ATAD2B: variants seen among roughly 807,000 people sequenced by gnomAD.
ATAD2B encodes ATPase family AAA domain containing 2B.
In ATAD2B, 40 loss-of-function variants were observed where a neutral mutation model predicts 167.6. The observed-to-expected ratio is 0.24, with a 90% CI of 0.19 to 0.31. ATAD2B has a LOEUF of 0.31. Ranked by LOEUF, ATAD2B falls within the 10% of genes least tolerant of loss-of-function variation. The probability of loss-of-function intolerance (pLI) is 1.00; values close to 1 mark genes in which losing one functional copy is unlikely to be tolerated. For missense variants in ATAD2B, 1,242 were observed against 1,757.2 expected (o/e 0.71, Z 5.24); for synonymous variants, 579 against 596.5 (o/e 0.97, Z 0.43).
rs891859491 is a variant in ATAD2B, at chr2:23,749,032, T to C, written c.*3014A>G. ...GGCATTCAGCTACGGGACCTGACAC[T>C]GAAGATACCTACTGAATAGCACCAT... is the stretch of plus-strand genomic sequence containing the variant. On this transcript the variant is annotated 3_prime_UTR_variant, in exon 28 of 28. Transcript: ENST00000238789. The C allele has an allele frequency of 6.6e-6, 1 of 152,068 alleles. No individual in the cohort carries two copies. Among genetic ancestry groups the C allele is most frequent in the African/African-American group, 2.4e-5 (1 of 41,414 alleles). 9.4% of individuals were successfully genotyped at this position (152,068 alleles called of 1,614,324 possible). A position where few individuals can be genotyped will look rare whatever the true frequency, so the allele number is the denominator to read the frequency against.
the ATAD2B span, chr2:23,706,570 C>G: frequency 6.5e-7 from 1 of 1,537,184 alleles, no homozygotes; most frequent in South Asian, 1.2e-5. Context: ...GCCTACGAGC[C>G]CACAACCAAC....
the ATAD2B span, chr2:23,703,837 C>G: frequency 6.5e-7 from 1 of 1,537,402 alleles, no homozygotes; most frequent in Non-Finnish European, 8.7e-7. Context: ...CGGGCCCAAA[C>G]ATGAACCACT....
the ATAD2B span, among the ~76,000 whole-genome samples, chr2:23,700,644 C>A: frequency 1.3e-5 from 2 of 152,208 alleles, no homozygotes; most frequent in Non-Finnish European, 2.9e-5. This position sits in a 1 kb window ranked among gnomAD's most constrained non-coding sequence, Gnocchi z 4.6. Flanking sequence ...CCCCTCTCAG[C>A]TCCGGATTCT....
At chr2:23,872,565 G>A (rs1486208470) in intron 8 of ATAD2B, 1 of 1,119,198 alleles carries the variant, frequency 8.9e-7, no homozygotes, top group Non-Finnish European at 1.4e-6. Flanking sequence ...GAGGGTAGCT[G>A]ATCCTCCGTG....
intron 16 of ATAD2B, among the ~76,000 whole-genome samples, chr2:23,822,347 C>G (rs942883269): frequency 2.6e-5 from 4 of 151,804 alleles, no homozygotes; most frequent in Admixed American, 2.6e-4. Flanking sequence ...CCAGCCTGAT[C>G]AATATGGTGA....
intron 13 of ATAD2B, among the ~76,000 whole-genome samples, chr2:23,840,290 T>G (rs892496348): frequency 6.6e-6 from 1 of 152,158 alleles, no homozygotes; most frequent in African/African-American, 2.4e-5. Flanking sequence ...CTTTGATGTC[T>G]AAAAAAACCA....
At chr2:23,753,041 G>A (rs718139) in intron 27 of ATAD2B, among the ~76,000 whole-genome samples, 15,419 of 152,006 alleles carry the variant, frequency 0.1, 887 homozygotes, top group Middle Eastern at 0.17. Context: ...ACTCTACCCC[G>A]CACATTTTAT....
chr2:23,773,724 A>G (rs1558511710), intron 22 of ATAD2B, among the ~76,000 whole-genome samples: 1 of 152,232 alleles, frequency 6.6e-6, no homozygotes, highest in Non-Finnish European at 1.5e-5. Flanking sequence ...TCCAAGTTAC[A>G]TAAGCACAGC....
chr2:23,861,317 A>T (rs1338771705), intron 12 of ATAD2B, among the ~76,000 whole-genome samples: 2 of 152,062 alleles, frequency 1.3e-5, no homozygotes, highest in Non-Finnish European at 2.9e-5. Context: ...GCTACTAAAG[A>T]TTAAATGTTT....
intron 22 of ATAD2B, among the ~76,000 whole-genome samples, chr2:23,767,615 G>C (rs1049931177): frequency 1.3e-5 from 2 of 152,184 alleles, no homozygotes; most frequent in African/African-American, 4.8e-5. Context: ...GAAAAGATCT[G>C]CTGTGGTTGT....
intron 26 of ATAD2B, 29 bp from the exon 27 acceptor site, chr2:23,754,336 T>C (rs1193590104): frequency 6.5e-7 from 1 of 1,527,800 alleles, no homozygotes; most frequent in Non-Finnish European, 8.8e-7. Flanking sequence ...GAATAAAATG[T>C]AATTTGATTT....
chr2:23,889,904 G>A, intron 2 of ATAD2B, among the ~76,000 whole-genome samples: 1 of 151,642 alleles, frequency 6.6e-6, no homozygotes, highest in Admixed American at 6.6e-5. Context: ...AGGTGACAGA[G>A]CAAGGCTCCA....
chr2:23,839,824 G>T (rs758124843), intron 13 of ATAD2B, among the ~76,000 whole-genome samples: 8 of 152,012 alleles, frequency 5.3e-5, no homozygotes, highest in Admixed American at 1.3e-4. Flanking sequence ...ACTAAAATAA[G>T]TTAACATATC....
At chr2:23,876,926 G>A (rs1696936790) in intron 7 of ATAD2B, among the ~76,000 whole-genome samples, 1 of 151,502 alleles carries the variant, frequency 6.6e-6, no homozygotes, top group Non-Finnish European at 1.5e-5. Context: ...AATTAGCCGG[G>A]CGTGGTGGTG....
intron 18 of ATAD2B, among the ~76,000 whole-genome samples, chr2:23,808,187 A>C (rs1195383612): frequency 9.3e-6 from 1 of 107,660 alleles, no homozygotes; most frequent in Non-Finnish European, 1.9e-5. Flanking sequence ...ATTTATATAT[A>C]TATTTATATT....
Position 23,926,878 on chromosome 2 carries a change from C to A in ATAD2B, c.-108G>T. On this transcript the variant is annotated 5_prime_UTR_variant, in exon 1 of 28. Transcript: ENST00000238789. ...CGGAGCCGAGCCGGGCAATGAGAGACGAGCCGGCCCGGAGCGTGCGGAGCG... is the reference window on the plus strand; with the variant it reads ...CGGAGCCGAGCCGGGCAATGAGAGAAGAGCCGGCCCGGAGCGTGCGGAGCG... 1 of 1,329,166 alleles carries A rather than the reference C, an allele frequency of 7.5e-7. No individual in the cohort carries two copies. The highest frequency in any genetic ancestry group is 1.0e-6 in the Non-Finnish European group (1 of 1,002,902). The allele number at this position is 1,329,166 out of a possible 1,614,324, so 82.3% of individuals were successfully genotyped here. A position where few individuals can be genotyped will look rare whatever the true frequency, so the allele number is the denominator to read the frequency against.
the ATAD2B span, among the ~76,000 whole-genome samples, chr2:23,720,659 C>T: frequency 5.3e-5 from 8 of 151,978 alleles, no homozygotes; most frequent in Non-Finnish European, 8.8e-5. Flanking sequence ...AAATCAGATC[C>T]GCCTGGAGTC....
At chr2:23,891,145 C>T (rs573028523) in intron 2 of ATAD2B, among the ~76,000 whole-genome samples, 9 of 151,712 alleles carry the variant, frequency 5.9e-5, no homozygotes, top group Non-Finnish European at 1.3e-4. Flanking sequence ...CTCAGCCTCC[C>T]GAGTAGCTGG....
At chr2:23,717,614 C>T in the ATAD2B span, among the ~76,000 whole-genome samples, 3 of 152,050 alleles carry the variant, frequency 2.0e-5, no homozygotes, top group Non-Finnish European at 2.9e-5. Context: ...AGGCTTCCTT[C>T]TAAAAGTTCA....
Sources: gnomAD v4.1 joint callset for allele counts (sites outside exome capture counted in the v4.1 genomes callset) on GRCh38, gnomAD v4.1.1 for gene constraint, Gnocchi (gnomAD v3.1) non-coding constraint, MANE v1.5 for transcripts, NCBI Gene and HGNC (gene_info 2026-07-23, HGNC 2026-07-21) for gene names.